Variants in PCDHGB1 observed in about 807,000 individuals in gnomAD.
PCDHGB1 encodes the protein protocadherin gamma subfamily B, 1.
A neutral mutation model predicts 56.6 loss-of-function variants in PCDHGB1; 34 were observed. The ratio of observed to expected loss-of-function variants is 0.60; its 90% CI spans 0.46 to 0.80. PCDHGB1 has a LOEUF of 0.80. Among genes scored for constraint, PCDHGB1 ranks in the 30% least tolerant of loss-of-function variants. The pLI, the probability that PCDHGB1 is intolerant of heterozygous loss-of-function variation, is 0.00. For missense variants in PCDHGB1, 1,278 were observed against 1,204.6 expected, an observed-to-expected ratio of 1.06 and a Z score of -0.90; for synonymous variants, 561 against 505.9, an observed-to-expected ratio of 1.11 and a Z score of -1.46.
rs1209394605 is a variant in PCDHGB1, at chr5:141,353,277, G to GTCATTTTAT, written c.2409+611_2409+619dup. Among the ~76,000 whole-genome samples, 77 of 152,218 alleles carry GTCATTTTAT rather than the reference G, an allele frequency of 5.1e-4. 1 individual carries two copies. The highest frequency in any genetic ancestry group is 1.5e-5 in the Non-Finnish European group (1 of 67,996). ...TTGATATGCAATACTATATTTTCAA[G>GTCATTTTAT]TCATTTTATTCTTAGCTCTTTATAA... On this transcript the variant is annotated intron_variant, in intron 1 of 3. Coordinates refer to ENST00000523390, the MANE Select transcript of PCDHGB1 (RefSeq NM_018922.3).
chr5:141,402,593 G>T (rs4151700), intron 1 of PCDHGB1, among the ~76,000 whole-genome samples: 8,085 of 152,244 alleles, frequency 0.053, 229 homozygotes, highest in South Asian at 0.08. Flanking sequence ...AAAATAGATT[G>T]CTTTTGAAAT....
chr5:141,428,349 G>A (rs555622676), intron 1 of PCDHGB1: 93 of 583,074 alleles, frequency 1.6e-4, no homozygotes, highest in African/African-American at 1.5e-3. Flanking sequence ...TCCTCGCAGT[G>A]ATTTTGGCGG....
Position 141,456,055 on chromosome 5 carries a change from G to A in PCDHGB1, c.2410-38752G>A, listed in dbSNP as rs78682041. On this transcript the variant is annotated intron_variant, in intron 1 of 3. Coordinates refer to ENST00000523390, the MANE Select transcript of PCDHGB1 (RefSeq NM_018922.3). Reference sequence around the variant, plus strand: ...TGGGACTACAGGCGCCCACCACCACGTCCGGCTAATTTTTTGTATTTTCAG... The same window carrying A: ...TGGGACTACAGGCGCCCACCACCACATCCGGCTAATTTTTTGTATTTTCAG... Among the ~76,000 whole-genome samples, 302 of 151,836 alleles carry A rather than the reference G, an allele frequency of 2.0e-3. 1 individual carries two copies. The highest frequency in any genetic ancestry group is 0.01 in the Middle Eastern group (3 of 292).
Position 141,490,226 on chromosome 5 carries a change from C to T in PCDHGB1, c.2410-4581C>T. On this transcript the variant is annotated intron_variant, in intron 1 of 3. Coordinates refer to ENST00000523390, the MANE Select transcript of PCDHGB1 (RefSeq NM_018922.3). This position sits in a 1 kb window ranked among gnomAD's most constrained non-coding sequence, Gnocchi z 5.4. ...AGAGCCCGTGACCAGGGACAGCCTG[C>T]CATGGAGGGCCACTGTGTGATTCAA... The T allele has an allele frequency of 6.2e-7, 1 of 1,614,168 alleles. No homozygotes were observed. Among genetic ancestry groups the T allele is most frequent in the Non-Finnish European group, 8.5e-7 (1 of 1,180,020 alleles).
At chr5:141,384,479 A>T (rs1457273587) in intron 1 of PCDHGB1, 2 of 1,614,064 alleles carry the variant, frequency 1.2e-6, no homozygotes, top group South Asian at 2.2e-5. Context: ...CAGTTGAGAG[A>T]ACTACAACTA....
At chr5:141,464,657 T>G (rs575409062) in intron 1 of PCDHGB1, among the ~76,000 whole-genome samples, 1 of 152,312 alleles carries the variant, frequency 6.6e-6, no homozygotes, top group South Asian at 2.1e-4. Context: ...GGTAAAAAGA[T>G]ATCTCCAAAT....
In PCDHGB1 at chr5:141,422,057, A is replaced by T. The variant is rs1356083259; in HGVS notation, c.2409+69388A>T. 3.1e-6 allele frequency: 5 copies of T among 1,611,974 alleles called. No individual in the cohort carries two copies. The South Asian group carries it at 5.5e-5, about 18-fold the overall frequency. On this transcript the variant is annotated intron_variant, in intron 1 of 3. Transcript: ENST00000523390. The stretch of plus-strand genomic sequence containing the variant: ...GATCCAGACGAGGGAATCAACGGGG[A>T]AGTAATGTATTCATTTCGGAACATG...
chr5:141,394,493 C>T (rs749651115), intron 1 of PCDHGB1: 2 of 1,614,222 alleles, frequency 1.2e-6, no homozygotes, highest in Non-Finnish European at 1.7e-6. Flanking sequence ...ACAACGCGCC[C>T]GAGATCCTGT....
In PCDHGB1 at chr5:141,491,511, C is replaced by G. The variant is rs777448782; in HGVS notation, c.2410-3296C>G. 6.2e-7 allele frequency: 1 copy of G among 1,614,080 alleles called. No individual in the cohort carries two copies. The highest frequency in any genetic ancestry group is 8.5e-7 in the Non-Finnish European group (1 of 1,180,018). ...TGCAGGTGAGCTCGGACGGCACGCT[C>G]AAGTACATGGAGGTGACGCTGCGGC... On this transcript the variant is annotated intron_variant, in intron 1 of 3. Transcript: ENST00000523390. This position sits in a 1 kb window ranked among gnomAD's most constrained non-coding sequence, Gnocchi z 6.9.
At chr5:141,355,461 G>A (rs769145045) in intron 1 of PCDHGB1, 3 of 1,613,950 alleles carry the variant, frequency 1.9e-6, no homozygotes, top group East Asian at 2.2e-5. Context: ...TGGTCACCGC[G>A]GGTAGGATAG....
At chr5:141,445,573 A>G (rs1311326050) in intron 1 of PCDHGB1, among the ~76,000 whole-genome samples, 1 of 152,248 alleles carries the variant, frequency 6.6e-6, no homozygotes, top group Admixed American at 6.5e-5. Flanking sequence ...AGCTTATAGT[A>G]GGGAAGCTTC....
At chr5:141,499,323 GCTCT>G (rs1259902316) in intron 2 of PCDHGB1, among the ~76,000 whole-genome samples, 1 of 152,046 alleles carries the variant, frequency 6.6e-6, no homozygotes, top group East Asian at 1.9e-4. Context: ...CAGTATCCCT[GCTCT>G]CTCTCAGTTT....
chr5:141,464,063 A>G (rs893270944), intron 1 of PCDHGB1, among the ~76,000 whole-genome samples: 2 of 152,016 alleles, frequency 1.3e-5, no homozygotes, highest in Non-Finnish European at 2.9e-5. Flanking sequence ...TCAGGAGTTC[A>G]AGGCCAGCCT....
At position 141,408,387 on chromosome 5, in the gene PCDHGB1, C is replaced by T. The variant is rs774250271; in HGVS notation, c.2409+55718C>T. Reference sequence around the variant, plus strand: ...CTAGGGCTCAGTGTCCTGGATGTGTCGGCTCGCAAGCTGCGAGTGAGCGCG... The same window carrying T: ...CTAGGGCTCAGTGTCCTGGATGTGTTGGCTCGCAAGCTGCGAGTGAGCGCG... On this transcript the variant is annotated intron_variant, in intron 1 of 3. Transcript: ENST00000523390. 1.2e-5 allele frequency: 20 copies of T among 1,613,890 alleles called. No homozygotes were observed. Among genetic ancestry groups the T allele is most frequent in the Non-Finnish European group, 1.6e-5 (19 of 1,179,880 alleles).
Position 141,357,750 on chromosome 5 carries a change from A to G in PCDHGB1, c.2409+5081A>G, listed in dbSNP as rs188292079. On this transcript the variant is annotated intron_variant, in intron 1 of 3. Coordinates refer to ENST00000523390, the MANE Select transcript of PCDHGB1 (RefSeq NM_018922.3). ...TTAATATTTTATTGCTTTAAAGAAA[A>G]CTGGTGGATGACCTTCCAATAATGA... 17 of 1,147,492 alleles carry G rather than the reference A, an allele frequency of 1.5e-5. No individual in the cohort carries two copies. The East Asian group carries it at 4.4e-4, about 30-fold the overall frequency. 71.1% of individuals were successfully genotyped at this position (1,147,492 alleles called of 1,614,324 possible).
chr5:141,360,004 CA>C (rs1761388833), intron 1 of PCDHGB1: 1 of 1,185,444 alleles, frequency 8.4e-7, no homozygotes, highest in African/African-American at 1.5e-5. Flanking sequence ...CTGCACAAAC[CA>C]ACCACACAGA....
intron 1 of PCDHGB1, chr5:141,373,862 A>G (rs1168900381): frequency 6.5e-6 from 3 of 464,904 alleles, no homozygotes; most frequent in Non-Finnish European, 1.1e-5. Flanking sequence ...GCTGTTGACC[A>G]ACCTGGGCAA....
rs750200042 is a variant in PCDHGB1, at chr5:141,418,821, C to A, written c.2409+66152C>A. On this transcript the variant is annotated intron_variant, in intron 1 of 3. Coordinates refer to ENST00000523390, the MANE Select transcript of PCDHGB1 (RefSeq NM_018922.3). ...GAAAGATATACGATAAACATAGAAG[C>A]AAAAGACCGAGGATCTCTCTCAACA... 8.1e-6 allele frequency: 13 copies of A among 1,613,846 alleles called. 1 individual carries two copies. The highest frequency in any genetic ancestry group is 1.6e-4 in the Middle Eastern group (1 of 6,062).
intron 1 of PCDHGB1, chr5:141,356,746 G>A (rs1312921384): frequency 1.2e-5 from 19 of 1,613,970 alleles, no homozygotes; most frequent in Admixed American, 1.7e-5. Context: ...GATCCTATAT[G>A]CTCTTTGCTC....
Sources: gnomAD v4.1 joint callset for allele counts (sites outside exome capture counted in the v4.1 genomes callset) on GRCh38, gnomAD v4.1.1 for gene constraint, Gnocchi (gnomAD v3.1) non-coding constraint, MANE v1.5 for transcripts, NCBI Gene and HGNC (gene_info 2026-07-23, HGNC 2026-07-21) for gene names.